Variants in PJA2 observed in about 807,000 individuals in gnomAD.
PJA2 encodes E3 ubiquitin-protein ligase Praja-2.
A neutral mutation model predicts 69.3 loss-of-function variants in PJA2; 25 were observed. That is an observed-to-expected ratio of 0.36 (90% CI 0.26 to 0.50). The LOEUF is 0.50. Ranked by LOEUF, PJA2 falls within the 20% of genes least tolerant of loss-of-function variation. The pLI, the probability that PJA2 is intolerant of heterozygous loss-of-function variation, is 0.96. For synonymous variants in PJA2, 308 were observed against 277.8 expected (o/e 1.11, Z -1.08); for missense variants, 809 against 830.2 (o/e 0.97, Z 0.31).
chr5:109,381,521 G>A lies in PJA2; in HGVS notation c.214C>T (p.Pro72Ser), dbSNP rs1561358536. 6.2e-7 allele frequency: 1 copy of A among 1,613,620 alleles called. No homozygotes were observed. Residue 72 changes from proline to serine, a missense_variant, in exon 3 of 10, where the codon CCA becomes TCA. Coordinates refer to ENST00000361189, the MANE Select transcript of PJA2 (RefSeq NM_014819.5). ...TACACACCTGAGGAATTTTCCTTTG[G>A]AACATCATCTAGTTCCAACACTTCA... ...DYEVLELDDV[P>S]KENSSGSSPL...
intron 7 of PJA2, among the ~76,000 whole-genome samples, chr5:109,354,730 T>C (rs1014013770): frequency 3.4e-5 from 5 of 147,410 alleles, no homozygotes; most frequent in African/African-American, 4.9e-5. Context: ...ATATATTATA[T>C]ATTAGAGAGA....
At chr5:109,337,827 G>T (rs1482140935) in intron 9 of PJA2, among the ~76,000 whole-genome samples, 1 of 151,942 alleles carries the variant, frequency 6.6e-6, no homozygotes, top group Non-Finnish European at 1.5e-5. Context: ...ATTAAAGAAG[G>T]TCTACGATGA....
At position 109,373,644 on chromosome 5, in the gene PJA2, C is replaced by T. The variant is rs79255652; in HGVS notation, c.1283+4560G>A. ...ATCCATTTGTTCTAGATTTTAAAAG[C>T]GGGTGAATGACACATTTAAAAGTTC... On this transcript the variant is annotated intron_variant, in intron 4 of 9. Transcript: ENST00000361189. 7.0e-3 allele frequency among the ~76,000 whole-genome samples: 1,065 copies of T among 152,074 alleles called. 12 individuals carry two copies. Among genetic ancestry groups the T allele is most frequent in the African/African-American group, 0.024 (1,003 of 41,512 alleles).
chr5:109,378,284 T>C lies in PJA2; in HGVS notation c.1203A>G (p.Thr401=). 3 of 1,614,098 alleles carry C rather than the reference T, an allele frequency of 1.9e-6. No individual in the cohort carries two copies. The highest frequency in any genetic ancestry group is 1.1e-5 in the South Asian group (1 of 91,072). ...NNQMTSESGA[T]AGRQEVDNTF... ...TGTTATCCACCTCTTGCCTTCCTGC[T>C]GTGGCTCCACTTTCTGATGTCATTT... The change falls in exon 4 of 10, where the codon ACA becomes ACG. Residue 401 remains threonine (T), a synonymous_variant. Coordinates refer to ENST00000361189, the MANE Select transcript of PJA2 (RefSeq NM_014819.5).
At chr5:109,371,409 T>G (rs761282319) in intron 4 of PJA2, among the ~76,000 whole-genome samples, 112 of 152,344 alleles carry the variant, frequency 7.4e-4, no homozygotes, top group Admixed American at 1.3e-3. Context: ...GCTCTCATTC[T>G]GCAAACACTT....
At chr5:109,351,051 C>G (rs964365336) in intron 7 of PJA2, among the ~76,000 whole-genome samples, 3 of 149,894 alleles carry the variant, frequency 2.0e-5, no homozygotes, top group Non-Finnish European at 3.0e-5. Flanking sequence ...ATCTGAAGTA[C>G]TGAGGTAGAA....
intron 4 of PJA2, among the ~76,000 whole-genome samples, chr5:109,370,995 A>G (rs1762666727): frequency 1.3e-5 from 2 of 152,336 alleles, no homozygotes; most frequent in African/African-American, 4.8e-5. Flanking sequence ...CAAGAAGCCT[A>G]TGTTATGGAT....
At position 109,348,179 on chromosome 5, in the gene PJA2, C is replaced by T. The variant is rs531121782; in HGVS notation, c.1765-3360G>A. On this transcript the variant is annotated intron_variant, in intron 7 of 9. Transcript: ENST00000361189. ...CAGATAGCTCCTATACTTGATCTTA[C>T]GGCAACAGTGATCTAACTGTAAAAA... Among the ~76,000 whole-genome samples, 9 of 152,252 alleles carry T rather than the reference C, an allele frequency of 5.9e-5. No individual in the cohort carries two copies. The South Asian group carries it at 1.9e-3, about 32-fold the overall frequency.
At chr5:109,342,326 T>G (rs1460194800) in intron 9 of PJA2, among the ~76,000 whole-genome samples, 2 of 45,150 alleles carry the variant, frequency 4.4e-5, no homozygotes, top group Non-Finnish European at 4.6e-5. Context: ...GGGAGGGAGG[T>G]GGGGGGATCG....
At chr5:109,386,809 T>C (rs1747169116) in intron 1 of PJA2, among the ~76,000 whole-genome samples, 1 of 152,208 alleles carries the variant, frequency 6.6e-6, no homozygotes, top group Admixed American at 6.5e-5. Context: ...AGGCACTGTG[T>C]CCTACCTGTC....
rs1554055003 is a variant in PJA2, at chr5:109,380,110, T to TTG, written c.233-858_233-857dup. 8.3e-5 allele frequency among the ~76,000 whole-genome samples: 12 copies of TTG among 144,830 alleles called. 2 individuals are homozygous for TTG. The highest frequency in any genetic ancestry group is 3.1e-4 in the African/African-American group (12 of 38,498). ...TCTTTTTTTTTTTTTTTTTTTTTTT[T>TTG]TGAGACGGAGTCTTGCTCTGTGGCC... is the stretch of plus-strand genomic sequence containing the variant. On this transcript the variant is annotated intron_variant, in intron 3 of 9. Transcript: ENST00000361189.
intron 1 of PJA2, among the ~76,000 whole-genome samples, chr5:109,407,347 A>C (rs956813734): frequency 2.6e-5 from 4 of 152,176 alleles, no homozygotes; most frequent in African/African-American, 9.7e-5. Context: ...GGTTTTTAAA[A>C]ATGTCAAAAA....
At position 109,368,567 on chromosome 5, in the gene PJA2, T is replaced by C; in HGVS notation, c.1463A>G (p.Gln488Arg). The change falls in exon 5 of 10, where the codon CAG becomes CGG. Residue 488 changes from glutamine to arginine, a missense_variant. Gln to Arg is a conservative substitution (Grantham distance 43). This residue lies in a region of PJA2 where 700 missense variants were observed against 639.5 expected (regional missense o/e 1.09). Transcript: ENST00000361189. ...ATCTCACTGTTGAACATACCCTTCC[T>C]GAAGAGATAATTCTTGGTTTTCTTC... ...PEEENQELSL[Q>R]EGEQTSLEEG... 2.5e-6 allele frequency: 4 copies of C among 1,613,224 alleles called. No homozygotes were observed. Among genetic ancestry groups the C allele is most frequent in the Non-Finnish European group, 3.4e-6 (4 of 1,179,534 alleles).
chr5:109,385,123 C>T (rs999486305), intron 1 of PJA2, among the ~76,000 whole-genome samples: 17 of 152,104 alleles, frequency 1.1e-4, no homozygotes, highest in South Asian at 2.1e-4. Flanking sequence ...CTGAAATGTG[C>T]GTTTTATTCT....
At chr5:109,404,470 AC>A (rs1322137599) in intron 1 of PJA2, among the ~76,000 whole-genome samples, 1 of 151,956 alleles carries the variant, frequency 6.6e-6, no homozygotes, top group Non-Finnish European at 1.5e-5. Context: ...GCGAGCTGAG[AC>A]TGCCACTGCA....
intron 1 of PJA2, among the ~76,000 whole-genome samples, chr5:109,404,640 G>A (rs1747639317): frequency 6.6e-6 from 1 of 152,182 alleles, no homozygotes; most frequent in Admixed American, 6.5e-5. Flanking sequence ...ACAGACTGCA[G>A]TTTTTTCACT....
At chr5:109,381,409 T>TTCCTGCATTTACACATTA (rs1231586518) in intron 3 of PJA2, 94 bp downstream of exon 3, 3 of 877,448 alleles carry the variant, frequency 3.4e-6, no homozygotes, top group Non-Finnish European at 5.3e-6. Flanking sequence ...GCATTTACAC[T>TTCCTGCATTTACACATTA]CACAGACATG....
intron 4 of PJA2, among the ~76,000 whole-genome samples, chr5:109,375,870 C>A (rs916661795): frequency 2.0e-5 from 3 of 152,080 alleles, no homozygotes; most frequent in Non-Finnish European, 4.4e-5. Context: ...GGCACCCTGG[C>A]AACTATAATC....
chr5:109,374,191 T>C (rs1158100005), intron 4 of PJA2, among the ~76,000 whole-genome samples: 1 of 152,238 alleles, frequency 6.6e-6, no homozygotes, highest in Non-Finnish European at 1.5e-5. Flanking sequence ...TTTGTCACTT[T>C]CTGGTCTTTT....
Sources: gnomAD v4.1 joint callset for allele counts (sites outside exome capture counted in the v4.1 genomes callset) on GRCh38, gnomAD v4.1.1 for gene constraint, gnomAD v4.1.1 regional missense constraint, MANE v1.5 for transcripts, NCBI Gene and HGNC (gene_info 2026-07-23, HGNC 2026-07-21) for gene names.